WWOX: variants seen among roughly 807,000 people sequenced by gnomAD.
The protein encoded by WWOX is WW domain-containing oxidoreductase.
WWOX carries 69 observed loss-of-function variants against 46.2 expected under a neutral mutation model. The ratio of observed to expected loss-of-function variants is 1.49; its 90% CI spans 1.23 to 1.82. WWOX has a LOEUF of 1.82. WWOX is among the 40% of genes most tolerant of loss of function. WWOX has a pLI of 0.00. For synonymous variants in WWOX, 359 were observed against 202.6 expected (o/e 1.77, Z -6.56); for missense variants, 919 against 542.6 (o/e 1.69, Z -6.89).
intron 4 of WWOX, chr16:78,124,279 T>C (rs533585478): frequency 2.2e-4 from 34 of 152,326 alleles, no homozygotes; most frequent in African/African-American, 7.2e-4. Context: ...AAAGATATTT[T>C]GGTTGTTCAT....
Position 78,752,959 on chromosome 16 carries a change from G to A in WWOX, c.1056+320207G>A, listed in dbSNP as rs145835455. Reference sequence around the variant, plus strand: ...ATATCAGTGGGGATAATTCTAGGCCGTTTGTCTGCCTGGTTCTTCCAGGAT... The same window carrying A: ...ATATCAGTGGGGATAATTCTAGGCCATTTGTCTGCCTGGTTCTTCCAGGAT... On this transcript the variant is annotated intron_variant, in intron 8 of 8. Coordinates refer to ENST00000566780, the MANE Select transcript of WWOX (RefSeq NM_016373.4). Among the ~76,000 whole-genome samples, 738 of 152,276 alleles carry A rather than the reference G, an allele frequency of 4.8e-3. 7 individuals are homozygous for A. Among genetic ancestry groups the A allele is most frequent in the Non-Finnish European group, 7.8e-3 (528 of 68,028 alleles).
rs1243366608 is a variant in WWOX at position 78,936,050 on chromosome 16, G to C, written c.1057-275558G>C. On this transcript the variant is annotated intron_variant, in intron 8 of 8. Coordinates refer to ENST00000566780, the MANE Select transcript of WWOX (RefSeq NM_016373.4). Reference sequence around the variant, plus strand: ...GGGTTTGGAGAGTAGGAGTGAAAGAGTGGAGACTGGCCATAAGTTGGGAGG... The same window carrying C: ...GGGTTTGGAGAGTAGGAGTGAAAGACTGGAGACTGGCCATAAGTTGGGAGG... Among the ~76,000 whole-genome samples, 2 of 152,194 alleles carry C rather than the reference G, an allele frequency of 1.3e-5. 1 individual carries two copies. The highest frequency in any genetic ancestry group is 2.9e-5 in the Non-Finnish European group (2 of 68,040).
chr16:79,090,961 C>G (rs980500276), intron 8 of WWOX, among the ~76,000 whole-genome samples: 1 of 152,056 alleles, frequency 6.6e-6, no homozygotes, highest in African/African-American at 2.4e-5. Flanking sequence ...GCACCCAGCT[C>G]AAATTTTTGT....
chr16:79,170,116 A>G (rs564448891), intron 8 of WWOX, among the ~76,000 whole-genome samples: 1 of 152,314 alleles, frequency 6.6e-6, no homozygotes, highest in East Asian at 1.9e-4. Context: ...ATTTTTCATC[A>G]TCTCTGGAAA....
chr16:78,577,379 C>T (rs900920488), intron 8 of WWOX, among the ~76,000 whole-genome samples: 1 of 152,136 alleles, frequency 6.6e-6, no homozygotes, highest in African/African-American at 2.4e-5. Context: ...TAAAACTGAG[C>T]ATTTGTCCCC....
chr16:78,689,741 T>A (rs2142261170), intron 8 of WWOX, among the ~76,000 whole-genome samples: 1 of 152,344 alleles, frequency 6.6e-6, no homozygotes, highest in African/African-American at 2.4e-5. Flanking sequence ...CTTTATTATA[T>A]TTGGAGTTGA....
At chr16:78,964,533 G>A (rs1423940356) in intron 8 of WWOX, among the ~76,000 whole-genome samples, 2 of 152,204 alleles carry the variant, frequency 1.3e-5, no homozygotes, top group African/African-American at 4.8e-5. Context: ...CTTGGGTGCT[G>A]TTAAAGGCAT....
At position 79,212,216 on chromosome 16, in the gene WWOX, C is replaced by CAAGT; in HGVS notation, c.*421_*424dup. On this transcript the variant is annotated 3_prime_UTR_variant, in exon 9 of 9. Coordinates refer to ENST00000566780, the MANE Select transcript of WWOX (RefSeq NM_016373.4). ...CTTCTCCTACTTAGGGAAGAAAAAG[C>CAAGT]AAGTGTTCACTGCTCCTTGCTGCAT... 5 of 1,418,914 alleles carry CAAGT rather than the reference C, an allele frequency of 3.5e-6. No homozygotes were observed. The highest frequency in any genetic ancestry group is 3.0e-5 in the South Asian group (2 of 67,198). 87.9% of individuals were successfully genotyped at this position (1,418,914 alleles called of 1,614,324 possible).
At chr16:79,193,625 T>C (rs2051180687) in intron 8 of WWOX, among the ~76,000 whole-genome samples, 1 of 152,154 alleles carries the variant, frequency 6.6e-6, no homozygotes, top group African/African-American at 2.4e-5. Flanking sequence ...TTTAAAAATA[T>C]TGCAAATTGA....
chr16:78,597,935 T>G (rs2045529786), intron 8 of WWOX, among the ~76,000 whole-genome samples: 1 of 152,172 alleles, frequency 6.6e-6, no homozygotes, highest in Non-Finnish European at 1.5e-5. Context: ...GAGTTATGTT[T>G]GGGTCATGTT....
intron 8 of WWOX, among the ~76,000 whole-genome samples, chr16:78,811,836 G>T (rs1187192306): frequency 6.6e-6 from 1 of 152,128 alleles, no homozygotes; most frequent in Non-Finnish European, 1.5e-5. Context: ...CAAACATTCA[G>T]TCCCTAACAC....
rs556304953 is a variant in WWOX at position 78,281,390 on chromosome 16, C to A, written c.517-105470C>A. Among the ~76,000 whole-genome samples, 4 of 152,312 alleles carry A rather than the reference C, an allele frequency of 2.6e-5. No homozygotes were observed. In the South Asian group the frequency reaches 8.3e-4, roughly 32 times the overall value. ...GAGGTTCAGGGATATCTGGGAAGGA[C>A]TAAGAATAGCTTTTTCTTTTAGTAG... On this transcript the variant is annotated intron_variant, in intron 5 of 8. Coordinates refer to ENST00000566780, the MANE Select transcript of WWOX (RefSeq NM_016373.4).
rs1223548558 is a variant in WWOX at position 78,568,449 on chromosome 16, C to CT, written c.1056+135705dup. ...TTTCCAAGTTATATATTAAATTTTT[C>CT]TTTTTTTTAAAAAAAAGCTTCCAAC... On this transcript the variant is annotated intron_variant, in intron 8 of 8. Coordinates refer to ENST00000566780, the MANE Select transcript of WWOX (RefSeq NM_016373.4). Among the ~76,000 whole-genome samples the CT allele has an allele frequency of 1.0e-3, 144 of 142,278 alleles. 1 individual carries two copies. The highest frequency in any genetic ancestry group is 3.4e-3 in the African/African-American group (130 of 38,650). The allele number at this position is 142,278 out of a possible 152,430, so 93.3% of individuals were successfully genotyped here. A position where few individuals can be genotyped will look rare whatever the true frequency, so the allele number is the denominator to read the frequency against.
chr16:78,406,330 A>T (rs1358491758), intron 6 of WWOX, among the ~76,000 whole-genome samples: 2 of 88,412 alleles, frequency 2.3e-5, no homozygotes, highest in African/African-American at 2.4e-4. Flanking sequence ...ATATATATAT[A>T]TATATATATA....
intron 8 of WWOX, among the ~76,000 whole-genome samples, chr16:79,164,120 A>G (rs28578081): frequency 0.029 from 4,456 of 152,344 alleles, 148 homozygotes; most frequent in African/African-American, 0.083. Flanking sequence ...ATGGCCCAGA[A>G]ACAAGGCTAC....
At chr16:78,956,237 G>A (rs1054813453) in intron 8 of WWOX, among the ~76,000 whole-genome samples, 6 of 152,034 alleles carry the variant, frequency 3.9e-5, no homozygotes, top group Middle Eastern at 3.4e-3. Flanking sequence ...CCTTGACCTC[G>A]AGGGCTCAAG....
intron 5 of WWOX, among the ~76,000 whole-genome samples, chr16:78,292,606 A>G (rs2079877249): frequency 6.6e-6 from 1 of 152,076 alleles, no homozygotes; most frequent in Non-Finnish European, 1.5e-5. Context: ...TTGAAAGATT[A>G]TGTTCTATAT....
intron 8 of WWOX, among the ~76,000 whole-genome samples, chr16:78,928,244 C>G (rs2045544544): frequency 6.7e-6 from 1 of 150,138 alleles, no homozygotes; most frequent in Admixed American, 6.6e-5. Context: ...GCTCTGTCGC[C>G]CAGGCTGGAG....
chr16:79,181,235 G>A (rs1219784713), intron 8 of WWOX, among the ~76,000 whole-genome samples: 1 of 151,988 alleles, frequency 6.6e-6, no homozygotes, highest in East Asian at 1.9e-4. Flanking sequence ...TGCTTTATTT[G>A]GTCAAGACAT....
Sources: gnomAD v4.1 joint callset for allele counts (sites outside exome capture counted in the v4.1 genomes callset) on GRCh38, gnomAD v4.1.1 for gene constraint, MANE v1.5 for transcripts, NCBI Gene and HGNC (gene_info 2026-07-23, HGNC 2026-07-21) for gene names.